UNC13C: variants seen among roughly 807,000 people sequenced by gnomAD.
UNC13C encodes protein unc-13 homolog C.
Under a neutral mutation model 245.4 loss-of-function variants are expected in UNC13C, and 174 were observed. That is an observed-to-expected ratio of 0.71 (90% CI 0.63 to 0.80). UNC13C has a LOEUF of 0.80. Among genes scored for constraint, UNC13C ranks in the 30% least tolerant of loss-of-function variants. The pLI is 0.00. For missense variants in UNC13C, 2,829 were observed against 2,602.9 expected, an observed-to-expected ratio of 1.09 and a Z score of -1.89; for synonymous variants, 992 against 895.1, an observed-to-expected ratio of 1.11 and a Z score of -1.93.
intron 4 of UNC13C, among the ~76,000 whole-genome samples, chr15:54,230,838 A>G (rs1469874697): frequency 6.6e-6 from 1 of 152,048 alleles, no homozygotes; most frequent in Non-Finnish European, 1.5e-5. Context: ...CTATATCAAA[A>G]CATCACATTG....
intron 4 of UNC13C, among the ~76,000 whole-genome samples, chr15:54,176,500 A>ATTTGATATT (rs2033620961): frequency 6.6e-6 from 1 of 152,106 alleles, no homozygotes; most frequent in African/African-American, 2.4e-5. Flanking sequence ...TCTAACCCTT[A>ATTTGATATT]TGATAATATT....
rs562167401 is a variant in UNC13C, at chr15:54,424,829, T to A, written c.4933+9762T>A. On this transcript the variant is annotated intron_variant, in intron 19 of 32. Coordinates refer to ENST00000260323, the MANE Select transcript of UNC13C (RefSeq NM_001080534.3). Reference sequence around the variant, plus strand: ...GGAGCAGCTTGGATCATGGAGCACATCTTGGAGAGAAAACAAAAATGTTTC... The same window carrying A: ...GGAGCAGCTTGGATCATGGAGCACAACTTGGAGAGAAAACAAAAATGTTTC... Among the ~76,000 whole-genome samples, 15 of 151,950 alleles carry A rather than the reference T, an allele frequency of 9.9e-5. No individual in the cohort carries two copies. The South Asian group carries it at 3.1e-3, about 32-fold the overall frequency.
At chr15:54,389,482 C>T (rs149739292) in intron 17 of UNC13C, among the ~76,000 whole-genome samples, 65 of 152,300 alleles carry the variant, frequency 4.3e-4, no homozygotes, top group African/African-American at 1.4e-3. Context: ...TAGAGAATCA[C>T]CATGCACATT....
intron 24 of UNC13C, among the ~76,000 whole-genome samples, chr15:54,518,335 G>A (rs1413977262): frequency 2.0e-5 from 3 of 152,110 alleles, no homozygotes; most frequent in Non-Finnish European, 4.4e-5. Flanking sequence ...GGCAGGTGAC[G>A]CTTGTTAACC....
intron 7 of UNC13C, among the ~76,000 whole-genome samples, chr15:54,243,388 A>G (rs1596072144): frequency 2.6e-5 from 4 of 152,270 alleles, no homozygotes; most frequent in African/African-American, 7.2e-5. Flanking sequence ...TCTATCATTG[A>G]TGGACATTTG....
intron 1 of UNC13C, among the ~76,000 whole-genome samples, chr15:54,008,748 G>T (rs1868708284): frequency 6.6e-6 from 1 of 152,224 alleles, no homozygotes; most frequent in African/African-American, 2.4e-5. Context: ...TGTATGGGCT[G>T]GGTGTAAGGG....
intron 1 of UNC13C, among the ~76,000 whole-genome samples, chr15:54,010,814 G>A (rs1204609302): frequency 6.6e-6 from 1 of 152,060 alleles, no homozygotes; most frequent in Non-Finnish European, 1.5e-5. Context: ...TATGAACATG[G>A]GATGGATGAC....
At chr15:54,628,752 G>C (rs531125652), downstream of UNC13C, 1 of 152,154 alleles carries the variant, frequency 6.6e-6, no homozygotes, top group Non-Finnish European at 1.5e-5. Context: ...ATGTCAGAAT[G>C]GTTATTATTA....
chr15:54,154,148 T>C (rs767290914), intron 4 of UNC13C, among the ~76,000 whole-genome samples: 1 of 152,042 alleles, frequency 6.6e-6, no homozygotes, highest in Non-Finnish European at 1.5e-5. Flanking sequence ...TTCCCCTATC[T>C]AACTATATTT....
rs966832203 is a variant in UNC13C, at chr15:54,188,158, A to G, written c.3071+44474A>G. Among the ~76,000 whole-genome samples, 3 of 152,130 alleles carry G rather than the reference A, an allele frequency of 2.0e-5. No homozygotes were observed. In the East Asian group the frequency reaches 5.8e-4, roughly 29 times the overall value. The stretch of plus-strand genomic sequence containing the variant: ...ACTCACCACCTGCTCCTCAGTATCT[A>G]GAAGAGTGAACTTGGTACATAACGG... On this transcript the variant is annotated intron_variant, in intron 4 of 32. Coordinates refer to ENST00000260323, the MANE Select transcript of UNC13C (RefSeq NM_001080534.3).
chr15:54,039,683 C>A (rs374225900), intron 2 of UNC13C, among the ~76,000 whole-genome samples: 1 of 152,008 alleles, frequency 6.6e-6, no homozygotes, highest in Admixed American at 6.6e-5. Flanking sequence ...ATGCCACTTG[C>A]GTGCTGAAGA....
At chr15:54,452,012 C>A (rs779942236) in intron 19 of UNC13C, among the ~76,000 whole-genome samples, 33 of 152,274 alleles carry the variant, frequency 2.2e-4, no homozygotes, top group Non-Finnish European at 3.5e-4. Flanking sequence ...TTATTTGTAT[C>A]ATTTATTTGA....
chr15:53,916,502 G>A, the UNC13C span, among the ~76,000 whole-genome samples: 1 of 152,324 alleles, frequency 6.6e-6, no homozygotes, highest in East Asian at 1.9e-4. Flanking sequence ...GAGAGAGAAT[G>A]GGAAAGGCCA....
chr15:54,529,255 A>G (rs1225127516), intron 25 of UNC13C, among the ~76,000 whole-genome samples: 3 of 152,186 alleles, frequency 2.0e-5, no homozygotes, highest in Non-Finnish European at 2.9e-5. Context: ...TATGTACACA[A>G]AATTATGAAC....
chr15:54,383,166 T>C (rs969045867), intron 17 of UNC13C, among the ~76,000 whole-genome samples: 6 of 152,134 alleles, frequency 3.9e-5, no homozygotes, highest in African/African-American at 1.4e-4. Flanking sequence ...AAAAATTGAA[T>C]AGAGAATTCT....
intron 30 of UNC13C, among the ~76,000 whole-genome samples, chr15:54,588,021 T>G (rs993867428): frequency 2.0e-5 from 3 of 152,100 alleles, no homozygotes; most frequent in African/African-American, 7.2e-5. Context: ...GAAGATGGGT[T>G]TTGTATGGTG....
the UNC13C span, among the ~76,000 whole-genome samples, chr15:53,878,097 T>TA: frequency 1.3e-5 from 2 of 152,208 alleles, no homozygotes; most frequent in African/African-American, 2.4e-5. Flanking sequence ...TTGCATTTTT[T>TA]AAAAAAATGG....
intron 17 of UNC13C, among the ~76,000 whole-genome samples, chr15:54,351,493 C>T (rs2038981549): frequency 6.6e-6 from 1 of 152,168 alleles, no homozygotes; most frequent in African/African-American, 2.4e-5. Context: ...TTTCCCAAGG[C>T]TTGCGCTCCT....
At chr15:53,954,342 CA>C in the UNC13C span, among the ~76,000 whole-genome samples, 2 of 152,190 alleles carry the variant, frequency 1.3e-5, no homozygotes, top group Non-Finnish European at 2.9e-5. Flanking sequence ...TACTGTTAAG[CA>C]CAGCAGTTTC....
Sources: allele counts gnomAD v4.1 joint callset (sites outside exome capture counted in the v4.1 genomes callset), GRCh38; gene constraint gnomAD v4.1.1; transcripts MANE v1.5; gene names NCBI Gene and HGNC (gene_info 2026-07-23, HGNC 2026-07-21).